Variants in EPHA6 observed in about 807,000 individuals in gnomAD.
The protein encoded by EPHA6 is EPH receptor A6.
In EPHA6, 50 loss-of-function variants were observed where a neutral mutation model predicts 112.0. The ratio of observed to expected loss-of-function variants is 0.45; its 90% CI spans 0.36 to 0.56. The LOEUF (loss-of-function observed/expected upper bound fraction) is 0.56, where lower values mean the gene tolerates loss of function less well. EPHA6 is among the 20% of genes least tolerant of loss of function. EPHA6 has a pLI of 0.00. For synonymous variants in EPHA6, 529 were observed against 490.7 expected (o/e 1.08, Z -1.03); for missense variants, 1,280 against 1,417.4 (o/e 0.90, Z 1.56).
chr3:97,217,518 A>C (rs905586382), intron 3 of EPHA6, among the ~76,000 whole-genome samples: 3 of 152,202 alleles, frequency 2.0e-5, no homozygotes, highest in Non-Finnish European at 4.4e-5. Context: ...TTTTTACAAG[A>C]CCGAGGTATG....
intron 13 of EPHA6, among the ~76,000 whole-genome samples, chr3:97,630,670 C>T (rs1227499693): frequency 1.3e-5 from 2 of 151,962 alleles, no homozygotes; most frequent in Non-Finnish European, 2.9e-5. Context: ...TTATAGAAGC[C>T]TCTTTAACAC....
At position 97,530,191 on chromosome 3, in the gene EPHA6, A is replaced by T. The variant is rs185514201; in HGVS notation, c.2201-2167A>T. On this transcript the variant is annotated intron_variant, in intron 10 of 17. Coordinates refer to ENST00000389672, the MANE Select transcript of EPHA6 (RefSeq NM_001080448.3). Reference sequence around the variant, plus strand: ...ATTTCAAGTATCTTAATAGGCCTGGATGTATTGGACATTAGTGTAAACACA... The same window carrying T: ...ATTTCAAGTATCTTAATAGGCCTGGTTGTATTGGACATTAGTGTAAACACA... Among the ~76,000 whole-genome samples, 19 of 152,142 alleles carry T rather than the reference A, an allele frequency of 1.2e-4. No homozygotes were observed. The East Asian group carries it at 3.7e-3, about 29-fold the overall frequency.
chr3:97,716,568 C>A (rs1484071376), intron 14 of EPHA6, among the ~76,000 whole-genome samples: 6 of 115,486 alleles, frequency 5.2e-5, no homozygotes, highest in Non-Finnish European at 9.4e-5. Flanking sequence ...GAGCGAGACT[C>A]CGTCTCAAAA....
intron 14 of EPHA6, among the ~76,000 whole-genome samples, chr3:97,707,680 A>G (rs1257943534): frequency 2.0e-5 from 3 of 152,280 alleles, no homozygotes; most frequent in East Asian, 3.9e-4. Flanking sequence ...TGATTTGGCT[A>G]TATGTCCCCA....
chr3:97,113,139 G>T (rs760772473), intron 3 of EPHA6, among the ~76,000 whole-genome samples: 12 of 151,924 alleles, frequency 7.9e-5, no homozygotes, highest in Non-Finnish European at 1.8e-4. Flanking sequence ...TCATTTCCCC[G>T]ACTGGTCATA....
intron 5 of EPHA6, among the ~76,000 whole-genome samples, chr3:97,399,697 T>C (rs116462589): frequency 6.6e-6 from 1 of 151,824 alleles, no homozygotes; most frequent in East Asian, 1.9e-4. Context: ...ATGATGAGCA[T>C]TTTTTATATA....
intron 13 of EPHA6, 70 bp downstream of exon 13, chr3:97,610,924 A>C: frequency 7.7e-7 from 1 of 1,298,612 alleles, no homozygotes; most frequent in Non-Finnish European, 1.1e-6. Context: ...ATTTATCATA[A>C]ATTAATTTTT....
chr3:97,699,816 T>A (rs551939471), intron 14 of EPHA6, among the ~76,000 whole-genome samples: 2 of 152,364 alleles, frequency 1.3e-5, no homozygotes, highest in African/African-American at 4.8e-5. Flanking sequence ...CTATAACACA[T>A]GTTCATATAA....
At chr3:96,901,214 A>AT (rs1245273762) in intron 2 of EPHA6, among the ~76,000 whole-genome samples, 1 of 152,132 alleles carries the variant, frequency 6.6e-6, no homozygotes, top group Non-Finnish European at 1.5e-5. Context: ...TAGCCAACAG[A>AT]TTTTGAAGCT....
intron 1 of EPHA6, among the ~76,000 whole-genome samples, chr3:96,824,266 G>C (rs868294942): frequency 6.6e-6 from 1 of 151,534 alleles, no homozygotes; most frequent in Non-Finnish European, 1.5e-5. Context: ...GTTTTAATAG[G>C]TTTATTAAAG....
At chr3:97,581,185 C>G (rs2093434308) in intron 11 of EPHA6, among the ~76,000 whole-genome samples, 1 of 152,166 alleles carries the variant, frequency 6.6e-6, no homozygotes, top group African/African-American at 2.4e-5. Flanking sequence ...ATATATGTGG[C>G]CCATGTCTGG....
intron 15 of EPHA6, among the ~76,000 whole-genome samples, chr3:97,730,120 T>C (rs2034970387): frequency 6.6e-6 from 1 of 152,096 alleles, no homozygotes; most frequent in Non-Finnish European, 1.5e-5. Flanking sequence ...CCTTGCTCAA[T>C]AGTATTGTTC....
In EPHA6 at chr3:96,907,029, G is replaced by A. The variant is rs186829977; in HGVS notation, c.450+40140G>A. ...TGGACAAAAGTAGAGCCCCTAAATT[G>A]ACATTTATAAAAGAGGACTTCTGCC... On this transcript the variant is annotated intron_variant, in intron 2 of 17. Transcript: ENST00000389672. Among the ~76,000 whole-genome samples, 126 of 151,908 alleles carry A rather than the reference G, an allele frequency of 8.3e-4. 1 individual carries two copies. The highest frequency in any genetic ancestry group is 2.9e-3 in the African/African-American group (120 of 41,490).
chr3:97,448,042 A>C (rs1243864230), intron 6 of EPHA6, among the ~76,000 whole-genome samples: 1 of 152,188 alleles, frequency 6.6e-6, no homozygotes, highest in African/African-American at 2.4e-5. Flanking sequence ...GAAACACTGA[A>C]TTACAGCACA....
chr3:97,565,711 G>C (rs1577798066), intron 11 of EPHA6, among the ~76,000 whole-genome samples: 3 of 152,142 alleles, frequency 2.0e-5, no homozygotes, highest in African/African-American at 7.2e-5. Context: ...ATCTGAGACA[G>C]GTAATTGATA....
intron 3 of EPHA6, among the ~76,000 whole-genome samples, chr3:97,134,536 A>C (rs1576547916): frequency 6.6e-6 from 1 of 152,262 alleles, no homozygotes; most frequent in Admixed American, 6.5e-5. Context: ...AGTACTTTCA[A>C]GATCTTCATG....
intron 2 of EPHA6, among the ~76,000 whole-genome samples, chr3:96,872,025 C>A (rs1264036065): frequency 6.6e-6 from 1 of 152,048 alleles, no homozygotes; most frequent in African/African-American, 2.4e-5. Flanking sequence ...TGGATACTCA[C>A]TTGGAAGCGA....
intron 2 of EPHA6, among the ~76,000 whole-genome samples, chr3:96,899,844 C>CT (rs148310300): frequency 0.018 from 2,757 of 151,504 alleles, 69 homozygotes; most frequent in African/African-American, 0.05. Flanking sequence ...AATCTGCACA[C>CT]TTTTTTTTTC....
Position 97,243,942 on chromosome 3 carries a change from T to C in EPHA6, c.1271-10T>C. 1.3e-6 allele frequency: 2 copies of C among 1,581,008 alleles called. No individual in the cohort carries two copies. The highest frequency in any genetic ancestry group is 1.7e-6 in the Non-Finnish European group (2 of 1,161,846). Reference sequence around the variant, plus strand: ...ATATGTACATTTGTTTTTTAATTGCTTTTCTCTAGGGCCACCTTCAGCTCC... The same window carrying C: ...ATATGTACATTTGTTTTTTAATTGCCTTTCTCTAGGGCCACCTTCAGCTCC... On this transcript the variant is annotated splice_polypyrimidine_tract_variant and intron_variant, in intron 4 of 17. Transcript: ENST00000389672.
Sources: allele counts gnomAD v4.1 joint callset (sites outside exome capture counted in the v4.1 genomes callset), GRCh38; gene constraint gnomAD v4.1.1; transcripts MANE v1.5; gene names NCBI Gene and HGNC (gene_info 2026-07-23, HGNC 2026-07-21).